Variants in RABEP1 observed in about 807,000 individuals in gnomAD.
The protein encoded by RABEP1 is rabaptin, RAB GTPase binding effector protein 1.
In RABEP1, 51 loss-of-function variants were observed where a neutral mutation model predicts 123.4. The ratio of observed to expected loss-of-function variants is 0.41; its 90% CI spans 0.33 to 0.52. The LOEUF (loss-of-function observed/expected upper bound fraction) is 0.52, where lower values mean the gene tolerates loss of function less well. Ranked by LOEUF, RABEP1 falls within the 20% of genes least tolerant of loss-of-function variation. The probability of loss-of-function intolerance (pLI) is 0.16; values close to 1 mark genes in which losing one functional copy is unlikely to be tolerated. For missense variants in RABEP1, 888 were observed against 996.3 expected (o/e 0.89, Z 1.46); for synonymous variants, 347 against 355.2 (o/e 0.98, Z 0.26).
intron 11 of RABEP1, 64 bp from the exon 12 acceptor site, chr17:5,368,306 G>C (rs1910250941): frequency 2.7e-6 from 3 of 1,109,022 alleles, no homozygotes; most frequent in Non-Finnish European, 2.7e-6. Flanking sequence ...GTTAGAAGAT[G>C]GAAGAGTTAG....
At chr17:5,318,829 A>G (rs550168450) in intron 2 of RABEP1, among the ~76,000 whole-genome samples, 2 of 152,340 alleles carry the variant, frequency 1.3e-5, no homozygotes, top group African/African-American at 4.8e-5. Context: ...AGCAAATCCA[A>G]TCCAACAATG....
At chr17:5,320,472 G>A (rs1367029006) in intron 2 of RABEP1, among the ~76,000 whole-genome samples, 2 of 125,256 alleles carry the variant, frequency 1.6e-5, no homozygotes, top group East Asian at 2.2e-4. Flanking sequence ...GTAAAATTAA[G>A]TACATGGACA....
At chr17:5,349,779 A>G (rs896878712) in intron 6 of RABEP1, among the ~76,000 whole-genome samples, 4 of 152,284 alleles carry the variant, frequency 2.6e-5, no homozygotes, top group African/African-American at 9.6e-5. Flanking sequence ...ACCTTCCAAG[A>G]AAACATAGAC....
chr17:5,323,134 A>G (rs1905551600), intron 2 of RABEP1, among the ~76,000 whole-genome samples: 1 of 152,216 alleles, frequency 6.6e-6, no homozygotes, highest in African/African-American at 2.4e-5. Context: ...GATGCTGCAC[A>G]AGCATTCAGT....
chr17:5,314,234 CTTTTTTTTTTT>C (rs71151864), intron 2 of RABEP1, among the ~76,000 whole-genome samples: 2,528 of 55,638 alleles, frequency 0.045, 138 homozygotes, highest in African/African-American at 0.16. Context: ...AGTACCTATT[CTTTTTTTTTTT>C]TTTTTTTTTT....
At position 5,282,378 on chromosome 17, in the gene RABEP1, G is replaced by T; in HGVS notation, c.-109G>T. ...TCCAGCCTTAGCGGTTTCTCTCTGG[G>T]CGGCGGCGGCGGCGGCTCGGTTGAC... On this transcript the variant is annotated 5_prime_UTR_variant, in exon 1 of 18. Transcript: ENST00000537505. 1 of 810,000 alleles carries T rather than the reference G, an allele frequency of 1.2e-6. No homozygotes were observed. The highest frequency in any genetic ancestry group is 1.7e-6 in the Non-Finnish European group (1 of 590,916). The allele number at this position is 810,000 out of a possible 1,614,324, so 50.2% of individuals were successfully genotyped here. A position where few individuals can be genotyped will look rare whatever the true frequency, so the allele number is the denominator to read the frequency against.
intron 2 of RABEP1, among the ~76,000 whole-genome samples, chr17:5,320,207 A>G (rs1450522585): frequency 1.3e-5 from 2 of 152,114 alleles, no homozygotes; most frequent in African/African-American, 4.8e-5. Flanking sequence ...CATAAAGGTA[A>G]GGAAGGAGTG....
intron 8 of RABEP1, chr17:5,360,989 C>T (rs933418501): frequency 3.7e-6 from 2 of 536,934 alleles, no homozygotes; most frequent in African/African-American, 1.9e-5. Context: ...GTATGTATCT[C>T]GAGGTCAGGG....
intron 8 of RABEP1, chr17:5,356,649 CT>C (rs545704829): frequency 0.023 from 3,007 of 133,152 alleles, 70 homozygotes; most frequent in African/African-American, 0.06. Context: ...TAACATATTT[CT>C]TTTTTTTTTT....
chr17:5,383,310 A>G lies in RABEP1; in HGVS notation c.*87A>G. 1.9e-6 allele frequency: 2 copies of G among 1,047,026 alleles called. No homozygotes were observed. The highest frequency in any genetic ancestry group is 2.7e-5 in the South Asian group (2 of 73,832). 64.9% of individuals were successfully genotyped at this position (1,047,026 alleles called of 1,614,324 possible). A position where few individuals can be genotyped will look rare whatever the true frequency, so the allele number is the denominator to read the frequency against. On this transcript the variant is annotated 3_prime_UTR_variant, in exon 18 of 18. Coordinates refer to ENST00000537505, the MANE Select transcript of RABEP1 (RefSeq NM_004703.6). ...TAATTATTATTTAACTCTTAACTGA[A>G]GAAAGAGAAGTCACAACAAAAGGAA...
Position 5,380,406 on chromosome 17 carries a change from C to T in RABEP1, c.2314C>T (p.Leu772Phe). 6.4e-7 allele frequency: 1 copy of T among 1,574,194 alleles called. No individual in the cohort carries two copies. ...LREKSQQLES[L>F]QEIKISLEEQ... ...AGAGAAGTCTCAACAGCTTGAGAGT[C>T]TTCAGGAAATAAAGATCAGTTTGGA... Residue 772 changes from leucine (L) to phenylalanine (F), a missense_variant, in exon 16 of 18, where the codon CTT becomes TTT. Coordinates refer to ENST00000537505, the MANE Select transcript of RABEP1 (RefSeq NM_004703.6).
At chr17:5,316,173 G>A (rs760163678) in intron 2 of RABEP1, among the ~76,000 whole-genome samples, 41 of 152,118 alleles carry the variant, frequency 2.7e-4, no homozygotes, top group Non-Finnish European at 4.4e-4. Context: ...CTAGTAGGCC[G>A]GCTGCAGTGG....
intron 1 of RABEP1, among the ~76,000 whole-genome samples, chr17:5,292,435 T>G (rs2075042381): frequency 6.6e-6 from 1 of 152,124 alleles, no homozygotes; most frequent in South Asian, 2.1e-4. Flanking sequence ...GTTACCAGGC[T>G]GTAGTGCAGT....
At chr17:5,311,319 CAT>C (rs2075238174) in intron 2 of RABEP1, among the ~76,000 whole-genome samples, 1 of 152,064 alleles carries the variant, frequency 6.6e-6, no homozygotes, top group East Asian at 1.9e-4. Flanking sequence ...TTAAAATATG[CAT>C]ATAAATGTTT....
intron 5 of RABEP1, among the ~76,000 whole-genome samples, chr17:5,338,452 C>T (rs1907293523): frequency 6.6e-6 from 1 of 152,192 alleles, no homozygotes; most frequent in African/African-American, 2.4e-5. Flanking sequence ...CCCGGCTGCT[C>T]CCAGCCTCGG....
chr17:5,355,520 T>C (rs1908941243), intron 8 of RABEP1, among the ~76,000 whole-genome samples: 1 of 152,212 alleles, frequency 6.6e-6, no homozygotes, highest in South Asian at 2.1e-4. Context: ...TAGCCAGACC[T>C]GTGCACTTAC....
At chr17:5,311,203 CCA>C (rs2075237013) in intron 2 of RABEP1, among the ~76,000 whole-genome samples, 2 of 152,188 alleles carry the variant, frequency 1.3e-5, no homozygotes, top group South Asian at 4.1e-4. Flanking sequence ...GCACTGGGAT[CCA>C]GAGTTTGTGT....
rs189536349 is a variant in RABEP1, at chr17:5,326,697, A to G, written c.164-5252A>G. ...TGTATCAAATGTGCCACTGTGGTAC[A>G]GGGTGCCTGTAGTAGAGGAGTGTGG... On this transcript the variant is annotated intron_variant, in intron 2 of 17. Coordinates refer to ENST00000537505, the MANE Select transcript of RABEP1 (RefSeq NM_004703.6). 5.1e-3 allele frequency among the ~76,000 whole-genome samples: 772 copies of G among 152,264 alleles called. 2 individuals carry two copies. Among genetic ancestry groups the G allele is most frequent in the Non-Finnish European group, 7.1e-3 (482 of 68,014 alleles).
At position 5,383,667 on chromosome 17, in the gene RABEP1, T is replaced by C. The variant is rs530455226; in HGVS notation, c.*444T>C. 2.5e-4 allele frequency: 58 copies of C among 234,930 alleles called. No individual in the cohort carries two copies. In the South Asian group the frequency reaches 8.9e-3, roughly 36 times the overall value. The allele number at this position is 234,930 out of a possible 1,614,324, so 14.6% of individuals were successfully genotyped here. A position where few individuals can be genotyped will look rare whatever the true frequency, so the allele number is the denominator to read the frequency against. On this transcript the variant is annotated 3_prime_UTR_variant, in exon 18 of 18. Transcript: ENST00000537505. ...ACAGTATTCAGTTAGCAGACAGAAGTGTAGTATGCTGTATGAATATTTTAT... is the reference window on the plus strand; with the variant it reads ...ACAGTATTCAGTTAGCAGACAGAAGCGTAGTATGCTGTATGAATATTTTAT...
Sources: gnomAD v4.1 joint callset for allele counts (sites outside exome capture counted in the v4.1 genomes callset) on GRCh38, gnomAD v4.1.1 for gene constraint, MANE v1.5 for transcripts, NCBI Gene and HGNC (gene_info 2026-07-23, HGNC 2026-07-21) for gene names.